The following SH3BGRL2 variants were observed in gnomAD, a reference collection of about 807,000 sequenced individuals.
SH3BGRL2 encodes SH3 domain binding glutamate rich protein like 2.
A neutral mutation model predicts 14.8 loss-of-function variants in SH3BGRL2; 21 were observed. That is an observed-to-expected ratio of 1.42 (90% CI 1.01 to 2.05). The LOEUF is 2.05. Among genes scored for constraint, SH3BGRL2 ranks in the 30% most tolerant of loss-of-function variants. The probability of loss-of-function intolerance (pLI) is 0.00; values close to 1 mark genes in which losing one functional copy is unlikely to be tolerated. For synonymous variants in SH3BGRL2, 50 were observed against 47.8 expected (o/e 1.05, Z -0.19); for missense variants, 147 against 130.8 (o/e 1.12, Z -0.61).
the SH3BGRL2 span, among the ~76,000 whole-genome samples, chr6:79,586,234 T>C: frequency 2.5e-5 from 3 of 119,658 alleles, no homozygotes; most frequent in Non-Finnish European, 5.2e-5. Flanking sequence ...TGTATGGACT[T>C]CTTTTTTTTT....
rs1016629621 is a variant in SH3BGRL2 at position 79,701,568 on chromosome 6, T to C, written c.*2059T>C. The C allele has an allele frequency of 2.4e-4, 37 of 151,650 alleles. No homozygotes were observed. Among genetic ancestry groups the C allele is most frequent in the African/African-American group, 8.9e-4 (37 of 41,346 alleles). 9.4% of individuals were successfully genotyped at this position (151,650 alleles called of 1,614,324 possible). A position where few individuals can be genotyped will look rare whatever the true frequency, so the allele number is the denominator to read the frequency against. On this transcript the variant is annotated 3_prime_UTR_variant, in exon 4 of 4. Coordinates refer to ENST00000369838, the MANE Select transcript of SH3BGRL2 (RefSeq NM_031469.4). ...CAGACTAGTGGGTAGTAATGCTAAA[T>C]TACCATCACAGTTATGTGCCATCTC...
At chr6:79,692,718 C>G (rs1770247546) in intron 2 of SH3BGRL2, among the ~76,000 whole-genome samples, 1 of 152,104 alleles carries the variant, frequency 6.6e-6, no homozygotes, top group East Asian at 1.9e-4. Context: ...TGATCTATAT[C>G]TCTGTTTTGG....
At chr6:79,665,440 G>T (rs745542503) in intron 1 of SH3BGRL2, among the ~76,000 whole-genome samples, 1 of 152,098 alleles carries the variant, frequency 6.6e-6, no homozygotes, top group Admixed American at 6.6e-5. Flanking sequence ...CTAAATGTGG[G>T]CTCCCTGGAA....
the SH3BGRL2 span, among the ~76,000 whole-genome samples, chr6:79,560,813 A>G: frequency 6.8e-6 from 1 of 147,548 alleles, no homozygotes; most frequent in African/African-American, 2.5e-5. Flanking sequence ...ATTTTCTTGT[A>G]GCCATGTTTA....
chr6:79,544,888 TACTTTTAAATGTTTAA>T, the SH3BGRL2 span, among the ~76,000 whole-genome samples: 7 of 152,226 alleles, frequency 4.6e-5, no homozygotes, highest in South Asian at 6.2e-4. Context: ...TCTAAAACAT[TACTTTTAAATGTTTAA>T]ACTTTTAAAT....
At chr6:79,579,641 C>T in the SH3BGRL2 span, among the ~76,000 whole-genome samples, 2 of 151,994 alleles carry the variant, frequency 1.3e-5, no homozygotes, top group Non-Finnish European at 2.9e-5. Flanking sequence ...CAAGAGCTCC[C>T]GAAGGAAGCA....
At chr6:79,600,634 G>T in the SH3BGRL2 span, among the ~76,000 whole-genome samples, 1 of 152,034 alleles carries the variant, frequency 6.6e-6, no homozygotes, top group Non-Finnish European at 1.5e-5. Flanking sequence ...TCTCAATCTG[G>T]TTCAGAACCT....
At chr6:79,560,202 A>T in the SH3BGRL2 span, among the ~76,000 whole-genome samples, 24 of 152,220 alleles carry the variant, frequency 1.6e-4, no homozygotes, top group African/African-American at 5.3e-4. Context: ...TAAATTCAGT[A>T]AAGGAAGCAG....
chr6:79,701,310 A>G lies in SH3BGRL2; in HGVS notation c.*1801A>G, dbSNP rs1327749165. ...ATGTGAGTCTTCTGATAAAACTCAG[A>G]ATTTCTTTTTAAGCAGTTGTAAAAA... On this transcript the variant is annotated 3_prime_UTR_variant, in exon 4 of 4. Transcript: ENST00000369838. 6.6e-6 allele frequency: 1 copy of G among 151,988 alleles called. No homozygotes were observed. The highest frequency in any genetic ancestry group is 1.5e-5 in the Non-Finnish European group (1 of 68,016). 9.4% of individuals were successfully genotyped at this position (151,988 alleles called of 1,614,324 possible).
chr6:79,574,677 A>G, the SH3BGRL2 span: 1 of 152,224 alleles, frequency 6.6e-6, no homozygotes, highest in Non-Finnish European at 1.5e-5. Flanking sequence ...AAAAATGACT[A>G]AAATGGTAAA....
the SH3BGRL2 span, among the ~76,000 whole-genome samples, chr6:79,623,860 A>G: frequency 6.6e-6 from 1 of 152,216 alleles, no homozygotes; most frequent in East Asian, 1.9e-4. Context: ...ATAACACTTT[A>G]TGTTTTGTTT....
chr6:79,595,427 CAGTT>C, the SH3BGRL2 span, among the ~76,000 whole-genome samples: 2 of 152,074 alleles, frequency 1.3e-5, no homozygotes, highest in African/African-American at 4.8e-5. Flanking sequence ...TTTTACAAGT[CAGTT>C]AGGAAAAGAC....
chr6:79,584,549 CT>C, the SH3BGRL2 span, among the ~76,000 whole-genome samples: 36 of 152,258 alleles, frequency 2.4e-4, no homozygotes, highest in Non-Finnish European at 3.4e-4. Context: ...CCAGCACCCC[CT>C]GGGAAAATGA....
At position 79,652,178 on chromosome 6, in the gene SH3BGRL2, A is replaced by G. The variant is rs367852350; in HGVS notation, c.45+20672A>G. Among the ~76,000 whole-genome samples the G allele has an allele frequency of 6.3e-4, 96 of 152,182 alleles. 2 individuals carry two copies. In the East Asian group the frequency reaches 0.01, roughly 17 times the overall value. ...AGGAAGTATGGACAATATGGAGGGGATTTTAGTGGAGAAGAACCTTTAAAG... is the reference window on the plus strand; with the variant it reads ...AGGAAGTATGGACAATATGGAGGGGGTTTTAGTGGAGAAGAACCTTTAAAG... On this transcript the variant is annotated intron_variant, in intron 1 of 3. Coordinates refer to ENST00000369838, the MANE Select transcript of SH3BGRL2 (RefSeq NM_031469.4).
the SH3BGRL2 span, among the ~76,000 whole-genome samples, chr6:79,540,425 A>G: frequency 6.6e-6 from 1 of 151,646 alleles, no homozygotes; most frequent in South Asian, 2.1e-4. Flanking sequence ...ACAGAGCAAG[A>G]TTCCGTCTCA....
the SH3BGRL2 span, among the ~76,000 whole-genome samples, chr6:79,550,432 T>C: frequency 6.6e-6 from 1 of 152,218 alleles, no homozygotes; most frequent in African/African-American, 2.4e-5. Flanking sequence ...TCTGCTTAGG[T>C]AGATATATCT....
the SH3BGRL2 span, among the ~76,000 whole-genome samples, chr6:79,582,449 T>C: frequency 6.6e-6 from 1 of 151,930 alleles, no homozygotes; most frequent in Non-Finnish European, 1.5e-5. Context: ...TATAGAACAA[T>C]GGAACAGAAC....
At chr6:79,544,130 C>T in the SH3BGRL2 span, among the ~76,000 whole-genome samples, 668 of 152,200 alleles carry the variant, frequency 4.4e-3, 9 homozygotes, top group African/African-American at 0.015. Flanking sequence ...CTTCCTCATC[C>T]CTCTTTTCTG....
At chr6:79,566,957 T>A in the SH3BGRL2 span, among the ~76,000 whole-genome samples, 1 of 151,986 alleles carries the variant, frequency 6.6e-6, no homozygotes, top group African/African-American at 2.4e-5. Flanking sequence ...GTTCACTAGT[T>A]TTATTAGAAA....
Sources: gnomAD v4.1 joint callset for allele counts (sites outside exome capture counted in the v4.1 genomes callset) on GRCh38, gnomAD v4.1.1 for gene constraint, MANE v1.5 for transcripts, NCBI Gene and HGNC (gene_info 2026-07-23, HGNC 2026-07-21) for gene names.